The following CEP95 variants were observed in gnomAD, a reference collection of about 807,000 sequenced individuals.
CEP95 encodes centrosomal protein 95, also known as centrosomal protein of 95 kDa.
A neutral mutation model predicts 111.2 loss-of-function variants in CEP95; 98 were observed. The observed-to-expected ratio is 0.88, with a 90% CI of 0.75 to 1.04. CEP95 has a LOEUF of 1.04. Among genes scored for constraint, CEP95 ranks in the 50% least tolerant of loss-of-function variants. The pLI is 0.00. For missense variants in CEP95, 1,027 were observed against 977.2 expected (o/e 1.05, Z -0.68); for synonymous variants, 323 against 327.1 (o/e 0.99, Z 0.14).
rs533658430 is a variant in CEP95, at chr17:64,525,766, A to T, written c.910-4A>T. ...CAAATCAACTTTTTTTCTGTTTTTAATAGGATCTAGATGATGGACTTTTCT... is the reference window on the plus strand; with the variant it reads ...CAAATCAACTTTTTTTCTGTTTTTATTAGGATCTAGATGATGGACTTTTCT... On this transcript the variant is annotated splice_polypyrimidine_tract_variant and splice_region_variant and intron_variant, in intron 8 of 19. Coordinates refer to ENST00000556440, the MANE Select transcript of CEP95 (RefSeq NM_138363.3). The T allele has an allele frequency of 1.3e-6, 2 of 1,584,748 alleles. No homozygotes were observed. Among genetic ancestry groups the T allele is most frequent in the Non-Finnish European group, 1.7e-6 (2 of 1,161,908 alleles).
chr17:64,514,327 A>G lies in CEP95; in HGVS notation c.336A>G (p.Thr112=), dbSNP rs1555675888. The change falls in exon 4 of 20, where the codon ACA becomes ACG. Residue 112 remains threonine (T), a synonymous_variant. Transcript: ENST00000556440. ...EIFDGLLEYL[T]ERISETSHEK... is the part of the protein sequence containing the mutation. The stretch of plus-strand genomic sequence containing the variant: ...TTGATGGTTTGTTGGAGTATCTTAC[A>G]GAACGCATCAGTGAAACATCTCATG... 2.0e-6 allele frequency: 3 copies of G among 1,519,438 alleles called. No individual in the cohort carries two copies. The highest frequency in any genetic ancestry group is 8.9e-7 in the Non-Finnish European group (1 of 1,117,806). 94.1% of individuals were successfully genotyped at this position (1,519,438 alleles called of 1,614,324 possible). A position where few individuals can be genotyped will look rare whatever the true frequency, so the allele number is the denominator to read the frequency against.
chr17:64,507,292 C>T, intron 1 of CEP95, 176 bp downstream of exon 1: 6 of 1,467,306 alleles, frequency 4.1e-6, no homozygotes, highest in Non-Finnish European at 5.4e-6. Flanking sequence ...CTCTTCGCTT[C>T]GAGGCCGTGG....
chr17:64,529,204 G>T, intron 11 of CEP95, 84 bp from the exon 12 acceptor site: 2 of 1,265,596 alleles, frequency 1.6e-6, no homozygotes, highest in Non-Finnish European at 2.2e-6. Context: ...CAGTCTCTTT[G>T]GATTTAGTGA....
chr17:64,516,864 GT>G, intron 5 of CEP95, 36 bp downstream of exon 5: 1 of 1,271,954 alleles, frequency 7.9e-7, no homozygotes, highest in Non-Finnish European at 1.1e-6. Flanking sequence ...ATGAAAACAA[GT>G]TACGCTTTTT....
intron 15 of CEP95, 42 bp downstream of exon 15, chr17:64,533,050 A>G (rs1968388770): frequency 1.9e-6 from 3 of 1,605,554 alleles, no homozygotes; most frequent in African/African-American, 2.7e-5. Flanking sequence ...TTAAATGAGA[A>G]GAGCTTATCC....
chr17:64,529,586 T>C (rs59698991), intron 12 of CEP95, among the ~76,000 whole-genome samples, 159 bp downstream of exon 12: 30,546 of 152,168 alleles, frequency 0.2, 6,628 homozygotes, highest in African/African-American at 0.54. Context: ...CTTATGTCTT[T>C]GTTAGCATAA....
At chr17:64,530,140 CT>C (rs1968158216) in intron 12 of CEP95, among the ~76,000 whole-genome samples, 1 of 152,118 alleles carries the variant, frequency 6.6e-6, no homozygotes, top group African/African-American at 2.4e-5. Flanking sequence ...TGGCCCTGCA[CT>C]TTGGGAGGGT....
intron 6 of CEP95, among the ~76,000 whole-genome samples, chr17:64,520,145 GGATT>G (rs778263217): frequency 8.5e-4 from 129 of 152,294 alleles, no homozygotes; most frequent in Non-Finnish European, 1.4e-3. Context: ...AGAATCAGAT[GGATT>G]GATTGGGAAT....
chr17:64,532,691 G>T, intron 14 of CEP95, 148 bp from the exon 15 acceptor site: 1 of 1,440,524 alleles, frequency 6.9e-7, no homozygotes, highest in South Asian at 1.5e-5. Flanking sequence ...CCAATCAGAG[G>T]AGTAATGCAA....
chr17:64,532,925 T>A lies in CEP95; in HGVS notation c.1759T>A (p.Trp587Arg), dbSNP rs1968380071. 1 of 1,613,742 alleles carries A rather than the reference T, an allele frequency of 6.2e-7. No homozygotes were observed. The highest frequency in any genetic ancestry group is 1.3e-5 in the African/African-American group (1 of 74,900). Residue 587 changes from tryptophan to arginine, a missense_variant, in exon 15 of 20, where the codon TGG (tryptophan) becomes AGG (arginine). Transcript: ENST00000556440. ...TTCTGGCCCAACACTAAGCAAAATG[T>A]GGAAACAGCAAATTGCACAGGTTGA... ...YVSGPTLSKM[W>R]KQQIAQVEQL... is the part of the protein sequence containing the mutation.
Position 64,530,931 on chromosome 17 carries a change from T to C in CEP95, c.1452T>C (p.Phe484=). The part of the protein sequence containing the change: ...TDVRQFQAQA[F]TEAFERELRR... ...TATGACCTTTTCCCCTTTAGGCGTTTACTGAAGCATTTGAAAGGGAACTAA... is the reference window on the plus strand; with the variant it reads ...TATGACCTTTTCCCCTTTAGGCGTTCACTGAAGCATTTGAAAGGGAACTAA... Residue 484 remains phenylalanine (F), a synonymous_variant, in exon 13 of 20, where the codon TTT becomes TTC. Transcript: ENST00000556440. 6.5e-7 allele frequency: 1 copy of C among 1,547,012 alleles called. No homozygotes were observed. Among genetic ancestry groups the C allele is most frequent in the Non-Finnish European group, 8.8e-7 (1 of 1,141,794 alleles).
Position 64,525,809 on chromosome 17 carries a change from A to C in CEP95, c.949A>C (p.Lys317Gln), listed in dbSNP as rs373744652. 4 of 1,606,550 alleles carry C rather than the reference A, an allele frequency of 2.5e-6. No individual in the cohort carries two copies. In the African/African-American group the frequency reaches 4.0e-5, roughly 16 times the overall value. Residue 317 changes from lysine (K) to glutamine (Q), a missense_variant, in exon 9 of 20, where the codon AAA (lysine) becomes CAA (glutamine). Coordinates refer to ENST00000556440, the MANE Select transcript of CEP95 (RefSeq NM_138363.3). ...DGLFLISKLP[K>Q]GSKWEVYPAQ... is the part of the protein sequence containing the mutation. ...ACTTTTCTTAATTTCCAAGTTGCCT[A>C]AAGGCAGCAAATGGGAAGTATATCC...
chr17:64,530,787 G>A, intron 12 of CEP95, 139 bp from the exon 13 acceptor site: 1 of 518,904 alleles, frequency 1.9e-6, no homozygotes, highest in Non-Finnish European at 3.4e-6. Flanking sequence ...CTAAGAGCTT[G>A]GATGCTCGGT....
At chr17:64,508,439 G>T in intron 1 of CEP95, 153 bp from the exon 2 acceptor site, 1 of 1,148,254 alleles carries the variant, frequency 8.7e-7, no homozygotes, top group Non-Finnish European at 1.1e-6. Context: ...ATGCCTAAAG[G>T]GTCTTTGAAA....
chr17:64,506,970 A>C (rs556828108), upstream of CEP95: 18 of 1,025,194 alleles, frequency 1.8e-5, no homozygotes, highest in Non-Finnish European at 2.5e-5. Context: ...TCCTTCTTTC[A>C]CGCCTCCTTC....
intron 4 of CEP95, 116 bp from the exon 5 acceptor site, chr17:64,516,607 G>T (rs1483098746): frequency 1.9e-6 from 1 of 513,298 alleles, no homozygotes; most frequent in Non-Finnish European, 3.5e-6. Flanking sequence ...CTAGAACCCT[G>T]TTTACCATGG....
intron 2 of CEP95, among the ~76,000 whole-genome samples, chr17:64,509,075 A>G (rs1555673994): frequency 6.6e-6 from 1 of 152,116 alleles, no homozygotes. Flanking sequence ...CTGTAAATGT[A>G]CCTTCAAAGG....
intron 16 of CEP95, among the ~76,000 whole-genome samples, 194 bp downstream of exon 16, chr17:64,533,385 G>C (rs183032931): frequency 2.0e-5 from 3 of 152,080 alleles, no homozygotes; most frequent in African/African-American, 7.2e-5. Context: ...GAGGTGAGAG[G>C]ATCACTTGAG....
chr17:64,508,505 G>T (rs1049451869), intron 1 of CEP95, 87 bp from the exon 2 acceptor site: 2 of 1,229,376 alleles, frequency 1.6e-6, no homozygotes, highest in East Asian at 6.4e-5. Flanking sequence ...GTTTTTGTTG[G>T]GGGGGAGGTT....
Sources: gnomAD v4.1 joint callset for allele counts (sites outside exome capture counted in the v4.1 genomes callset) on GRCh38, gnomAD v4.1.1 for gene constraint, MANE v1.5 for transcripts, NCBI Gene and HGNC (gene_info 2026-07-23, HGNC 2026-07-21) for gene names.